Variants in NDUFS2 observed in about 807,000 individuals in gnomAD.
NDUFS2 encodes NADH dehydrogenase [ubiquinone] iron-sulfur protein 2, mitochondrial.
A neutral mutation model predicts 69.6 loss-of-function variants in NDUFS2; 38 were observed. That is an observed-to-expected ratio of 0.55 (90% CI 0.42 to 0.72). NDUFS2 has a LOEUF of 0.72. Among genes scored for constraint, NDUFS2 ranks in the 30% least tolerant of loss-of-function variants. NDUFS2 has a pLI of 0.00. For missense variants in NDUFS2, 468 were observed against 595.0 expected (o/e 0.79, Z 2.22); for synonymous variants, 194 against 211.2 (o/e 0.92, Z 0.70).
rs746346692 is a variant in NDUFS2 at position 161,209,639 on chromosome 1, G to A, written c.627+44G>A. ...GATAGGAATAGGGAAGGAAGTGCAG[G>A]AAGTAGAGAAGGTATAAAGGAGACA... is the stretch of plus-strand genomic sequence containing the variant. On this transcript the variant is annotated intron_variant, in intron 5 of 13. Transcript: ENST00000676972. The A allele has an allele frequency of 2.1e-5, 31 of 1,479,398 alleles. No individual in the cohort carries two copies. The East Asian group carries it at 3.7e-4, about 18-fold the overall frequency. 91.6% of individuals were successfully genotyped at this position (1,479,398 alleles called of 1,614,324 possible).
chr1:161,209,310 C>T lies in NDUFS2; in HGVS notation c.511C>T (p.Arg171Ter). Residue 171 changes from arginine (R) to a stop codon, truncating the protein, a stop_gained, in exon 4 of 14, where the codon CGA (arginine) becomes TGA (stop). Transcript: ENST00000676972. LOFTEE classifies it high-confidence loss of function. The part of the protein sequence containing the change: ...IRPPPRAQWI[R>*]VLFGEITRLL... The stretch of plus-strand genomic sequence containing the variant: ...GCCTCCTCCTCGGGCACAGTGGATC[C>T]GAGGTATGTCCCCCCAACTTTTTCT... 4 of 1,614,104 alleles carry T rather than the reference C, an allele frequency of 2.5e-6. No homozygotes were observed. Among genetic ancestry groups the T allele is most frequent in the African/African-American group, 1.3e-5 (1 of 75,014 alleles).
upstream of NDUFS2, chr1:161,202,194 C>T (rs1481502339): frequency 1.6e-6 from 1 of 641,482 alleles, no homozygotes; most frequent in Non-Finnish European, 2.8e-6. Flanking sequence ...GTAAAGATGA[C>T]CGCGGTCACT....
chr1:161,209,150 C>T (rs754837844), intron 3 of NDUFS2, 43 bp from the exon 4 acceptor site: 12 of 1,614,132 alleles, frequency 7.4e-6, no homozygotes, highest in Admixed American at 1.7e-5. Flanking sequence ...ACTGTGGGCT[C>T]CTGAGCCTGT....
chr1:161,204,723 A>G (rs1665360470), intron 2 of NDUFS2, among the ~76,000 whole-genome samples: 1 of 152,210 alleles, frequency 6.6e-6, no homozygotes. Context: ...CAACAGCTCT[A>G]TGAGAGTATT....
chr1:161,201,156 C>T (rs990424885), upstream of NDUFS2, among the ~76,000 whole-genome samples: 1 of 152,244 alleles, frequency 6.6e-6, no homozygotes, highest in African/African-American at 2.4e-5. Context: ...TGGCAGCTGC[C>T]TTGTCTAGCC....
intron 9 of NDUFS2, among the ~76,000 whole-genome samples, chr1:161,211,615 A>C (rs1414697105): frequency 1.3e-5 from 2 of 152,194 alleles, no homozygotes; most frequent in African/African-American, 2.4e-5. Context: ...GAGCCACTGC[A>C]TTCCAGCCTG....
Position 161,210,306 on chromosome 1 carries a change from G to A in NDUFS2, c.783G>A (p.Leu261=). The A allele has an allele frequency of 1.9e-6, 3 of 1,613,730 alleles. No homozygotes were observed. The highest frequency in any genetic ancestry group is 2.5e-6 in the Non-Finnish European group (3 of 1,179,784). The change falls in exon 8 of 14, where the codon TTG becomes TTA. Residue 261 remains leucine, a splice_region_variant and synonymous_variant. Coordinates refer to ENST00000676972, the MANE Select transcript of NDUFS2 (RefSeq NM_001377299.1). ...ACACCAGTTTTCTTGATCAATAGTT[G>A]CTGACCAACAATAGGATCTGGCGAA... ...FSLRLDELEE[L]LTNNRIWRNR... is the part of the protein sequence containing the mutation.
chr1:161,210,840 G>T (rs1665733132), intron 9 of NDUFS2, 130 bp downstream of exon 9: 1 of 1,402,566 alleles, frequency 7.1e-7, no homozygotes, highest in Admixed American at 1.8e-5. Context: ...AGACGAGGTT[G>T]CTCTCAAAAC....
upstream of NDUFS2, chr1:161,198,631 A>G: frequency 6.6e-7 from 1 of 1,505,644 alleles, no homozygotes; most frequent in Non-Finnish European, 8.9e-7. This position sits in a 1 kb window ranked among gnomAD's most constrained non-coding sequence, Gnocchi z 4.7. Flanking sequence ...GGGACATGGC[A>G]CTGGTACTGC....
rs536763398 is a variant in NDUFS2 at position 161,210,175 on chromosome 1, A to C, written c.767A>C (p.Asp256Ala). The part of the protein sequence containing the change: ...QFSKNFSLRL[D>A]ELEELLTNNR... ...TCTAAGAACTTCTCTCTTCGGCTTG[A>C]TGAGTTGGAGGAGGTAAGCTAGGAG... Residue 256 changes from aspartate to alanine, a missense_variant, in exon 7 of 14, where the codon GAT becomes GCT. Asp to Ala is a moderately radical substitution (Grantham distance 126, BLOSUM62 -2). This residue lies in a region of NDUFS2 where 339 missense variants were observed against 433.8 expected (regional missense o/e 0.78). Coordinates refer to ENST00000676972, the MANE Select transcript of NDUFS2 (RefSeq NM_001377299.1). The C allele has an allele frequency of 6.2e-7, 1 of 1,614,060 alleles. No homozygotes were observed. Among genetic ancestry groups the C allele is most frequent in the Non-Finnish European group, 8.5e-7 (1 of 1,180,004 alleles).
chr1:161,212,833 G>A (rs1201066228), intron 10 of NDUFS2, among the ~76,000 whole-genome samples: 14 of 151,856 alleles, frequency 9.2e-5, no homozygotes, highest in African/African-American at 2.7e-4. Flanking sequence ...ATTACAAAGC[G>A]TGAGCCACCA....
upstream of NDUFS2, chr1:161,198,208 T>A (rs1220288597): frequency 1.9e-6 from 3 of 1,613,964 alleles, no homozygotes; most frequent in Non-Finnish European, 2.5e-6. This position sits in a 1 kb window ranked among gnomAD's most constrained non-coding sequence, Gnocchi z 4.7. Flanking sequence ...AGTGCAGAGA[T>A]GCCACCGACT....
intron 3 of NDUFS2, among the ~76,000 whole-genome samples, chr1:161,208,450 A>G (rs1282699585): frequency 1.3e-5 from 2 of 151,608 alleles, no homozygotes; most frequent in African/African-American, 2.4e-5. Flanking sequence ...ACAGGCATGC[A>G]CCACCACGCC....
In NDUFS2 at chr1:161,214,269, C is replaced by CTGTG. The variant is rs10629771; in HGVS notation, c.*104_*107dup. The CTGTG allele has an allele frequency of 0.12, 105,145 of 887,996 alleles. 1,574 individuals are homozygous for CTGTG. The highest frequency in any genetic ancestry group is 0.12 in the Admixed American group (5,912 of 49,078). The allele number at this position is 887,996 out of a possible 1,614,324, so 55.0% of individuals were successfully genotyped here. A position where few individuals can be genotyped will look rare whatever the true frequency, so the allele number is the denominator to read the frequency against. ...CCTGTTCCTCACTGGAAATTGGCCT[C>CTGTG]TGTGTGTGTGTGTGTGTGTGTGTGT... On this transcript the variant is annotated 3_prime_UTR_variant, in exon 14 of 14. Coordinates refer to ENST00000676972, the MANE Select transcript of NDUFS2 (RefSeq NM_001377299.1).
Position 161,213,369 on chromosome 1 carries a change from C to T in NDUFS2, c.1117-11C>T. 1 of 1,590,172 alleles carries T rather than the reference C, an allele frequency of 6.3e-7. No individual in the cohort carries two copies. The highest frequency in any genetic ancestry group is 8.6e-7 in the Non-Finnish European group (1 of 1,160,618). On this transcript the variant is annotated splice_polypyrimidine_tract_variant and intron_variant, in intron 10 of 13. Coordinates refer to ENST00000676972, the MANE Select transcript of NDUFS2 (RefSeq NM_001377299.1). The stretch of plus-strand genomic sequence containing the variant: ...TATGGTTTATTGATGCTCCCTGTTT[C>T]CTCTCTTCAGACTTCCATGGAGTCA...
chr1:161,203,339 A>T, intron 1 of NDUFS2, 98 bp from the exon 2 acceptor site: 1 of 1,011,104 alleles, frequency 9.9e-7, no homozygotes, highest in East Asian at 2.4e-5. Context: ...AAACAAAAAA[A>T]CAGGTCATCC....
At chr1:161,199,991 C>T (rs1480066911), upstream of NDUFS2, among the ~76,000 whole-genome samples, 1 of 151,986 alleles carries the variant, frequency 6.6e-6, no homozygotes, top group Non-Finnish European at 1.5e-5. Context: ...AACCCTCCCC[C>T]AGCCTCAAGT....
At chr1:161,204,670 A>G (rs1055203513) in intron 2 of NDUFS2, among the ~76,000 whole-genome samples, 1 of 152,184 alleles carries the variant, frequency 6.6e-6, no homozygotes, top group African/African-American at 2.4e-5. Context: ...AGTGCTTACC[A>G]TTTGCCAAAC....
At chr1:161,213,277 G>C in intron 10 of NDUFS2, 103 bp from the exon 11 acceptor site, 1 of 749,744 alleles carries the variant, frequency 1.3e-6, no homozygotes, top group Non-Finnish European at 2.4e-6. Flanking sequence ...CTGACATGTG[G>C]CTTTAGTCTC....
Sources: allele counts gnomAD v4.1 joint callset (sites outside exome capture counted in the v4.1 genomes callset), GRCh38; gene constraint gnomAD v4.1.1; regional missense constraint gnomAD v4.1.1; non-coding constraint Gnocchi (gnomAD v3.1); transcripts MANE v1.5; gene names NCBI Gene and HGNC (gene_info 2026-07-23, HGNC 2026-07-21).